Variants in PTPRD observed in about 807,000 individuals in gnomAD.
PTPRD encodes the protein receptor-type tyrosine-protein phosphatase delta.
A neutral mutation model predicts 214.5 loss-of-function variants in PTPRD; 34 were observed. The ratio of observed to expected loss-of-function variants is 0.16; its 90% confidence interval spans 0.12 to 0.21. The LOEUF (loss-of-function observed/expected upper bound fraction) is 0.21. Ranked by LOEUF, PTPRD falls within the 10% of genes least tolerant of loss-of-function variation. The pLI, the probability that PTPRD is intolerant of heterozygous loss-of-function variation, is 1.00. For synonymous variants in PTPRD, 1,128 were observed against 845.7 expected, an observed-to-expected ratio of 1.33 and a Z score of -5.79; for missense variants, 2,545 against 2,398.7, an observed-to-expected ratio of 1.06 and a Z score of -1.27.
intron 7 of PTPRD, among the ~76,000 whole-genome samples, chr9:9,597,607 G>T (rs1012410511): frequency 3.3e-5 from 5 of 151,912 alleles, no homozygotes; most frequent in African/African-American, 1.2e-4. Flanking sequence ...CAAAGCTGGG[G>T]GAAGTCAACA....
rs193257243 is a variant in PTPRD, at chr9:10,329,514, T to C, written c.-545+11449A>G. ...TCATGAATATTTTTTCTACTTGCAC[T>C]TCTGATAGGTAATCAAATGGTCTGT... On this transcript the variant is annotated intron_variant, in intron 3 of 45. Coordinates refer to ENST00000381196, the MANE Select transcript of PTPRD (RefSeq NM_002839.4). Among the ~76,000 whole-genome samples, 17 of 152,014 alleles carry C rather than the reference T, an allele frequency of 1.1e-4. No individual in the cohort carries two copies. The East Asian group carries it at 3.3e-3, about 30-fold the overall frequency.
At position 8,314,432 on chromosome 9, in the gene PTPRD, A is replaced by G. The variant is rs1820858107; in HGVS notation, c.*3442T>C. 1 of 230,938 alleles carries G rather than the reference A, an allele frequency of 4.3e-6. No individual in the cohort carries two copies. Among genetic ancestry groups the G allele is most frequent in the Non-Finnish European group, 8.6e-6 (1 of 116,348 alleles). 14.3% of individuals were successfully genotyped at this position (230,938 alleles called of 1,614,324 possible). On this transcript the variant is annotated 3_prime_UTR_variant, in exon 46 of 46. Transcript: ENST00000381196. ...TTAGAGGTAATTGTATTTTTTAACA[A>G]GCCATTTTACAAGTTATTTGTTTTA...
intron 11 of PTPRD, among the ~76,000 whole-genome samples, chr9:8,762,024 G>C (rs746919876): frequency 4.6e-5 from 7 of 152,088 alleles, no homozygotes; most frequent in Non-Finnish European, 8.8e-5. Context: ...CCTACTGGTG[G>C]GAAAAGTGAG....
chr9:10,382,778 C>G (rs12000350), intron 2 of PTPRD, among the ~76,000 whole-genome samples: 1 of 151,796 alleles, frequency 6.6e-6, no homozygotes, highest in Non-Finnish European at 1.5e-5. Context: ...ATAAATATAA[C>G]GGCATTTGTC....
At chr9:9,692,787 G>A (rs940167584) in intron 7 of PTPRD, among the ~76,000 whole-genome samples, 6 of 151,320 alleles carry the variant, frequency 4.0e-5, no homozygotes, top group Non-Finnish European at 8.8e-5. Context: ...ATTTTTTTTA[G>A]TGGCCTCTTA....
chr9:10,515,367 A>G (rs931630467), intron 2 of PTPRD, among the ~76,000 whole-genome samples: 1 of 151,948 alleles, frequency 6.6e-6, no homozygotes, highest in Non-Finnish European at 1.5e-5. Flanking sequence ...GTGGTCCACA[A>G]TCAAAACTAT....
intron 9 of PTPRD, among the ~76,000 whole-genome samples, chr9:9,331,661 G>A (rs1305893908): frequency 6.6e-6 from 1 of 151,920 alleles, no homozygotes; most frequent in African/African-American, 2.4e-5. Context: ...CAATAACAAC[G>A]GCTATCTAAT....
rs374262986 is a variant in PTPRD, at chr9:9,798,593, C to T, written c.-367-31742G>A. Among the ~76,000 whole-genome samples, 4 of 152,138 alleles carry T rather than the reference C, an allele frequency of 2.6e-5. No individual in the cohort carries two copies. The South Asian group carries it at 6.2e-4, about 24-fold the overall frequency. On this transcript the variant is annotated intron_variant, in intron 5 of 45. Coordinates refer to ENST00000381196, the MANE Select transcript of PTPRD (RefSeq NM_002839.4). The stretch of plus-strand genomic sequence containing the variant: ...TCAGAGAATGACCTTTCTGCTTCTG[C>T]TATTTTTCTCAAATGTTAAGATGCC...
At chr9:10,256,402 T>A (rs573456159) in intron 3 of PTPRD, among the ~76,000 whole-genome samples, 2 of 152,064 alleles carry the variant, frequency 1.3e-5, no homozygotes, top group African/African-American at 4.8e-5. Context: ...CAGCTTTTTT[T>A]TTTTTTAATA....
intron 39 of PTPRD, among the ~76,000 whole-genome samples, chr9:8,351,078 A>C (rs2075311252): frequency 6.6e-6 from 1 of 152,174 alleles, no homozygotes; most frequent in South Asian, 2.1e-4. Flanking sequence ...ATGGCTAGGG[A>C]ACTAGTTGAA....
rs537058294 is a variant in PTPRD, at chr9:10,493,057, G to T, written c.-600+119341C>A. Among the ~76,000 whole-genome samples the T allele has an allele frequency of 2.0e-5, 3 of 152,020 alleles. No homozygotes were observed. The East Asian group carries it at 5.8e-4, about 29-fold the overall frequency. On this transcript the variant is annotated intron_variant, in intron 2 of 45. Coordinates refer to ENST00000381196, the MANE Select transcript of PTPRD (RefSeq NM_002839.4). ...AACTTACAAGAGATGTGAGGGACCTGTTCAAGGAGAACTTCAAACCCCTGC... is the reference window on the plus strand; with the variant it reads ...AACTTACAAGAGATGTGAGGGACCTTTTCAAGGAGAACTTCAAACCCCTGC...
intron 2 of PTPRD, among the ~76,000 whole-genome samples, chr9:10,416,153 G>T (rs2098485024): frequency 6.6e-6 from 1 of 151,364 alleles, no homozygotes; most frequent in African/African-American, 2.4e-5. Context: ...TTCAAGATCA[G>T]CCTGGCCAAC....
intron 11 of PTPRD, among the ~76,000 whole-genome samples, chr9:8,976,629 T>C (rs989252945): frequency 6.6e-6 from 1 of 152,124 alleles, no homozygotes; most frequent in Non-Finnish European, 1.5e-5. Flanking sequence ...TAATTCAATT[T>C]TGGCCTTGTG....
chr9:8,426,762 T>C (rs10977088), intron 35 of PTPRD, among the ~76,000 whole-genome samples: 16,063 of 150,312 alleles, frequency 0.11, 1,815 homozygotes, highest in East Asian at 0.5. Flanking sequence ...CTATGAAAGA[T>C]ACGAAGTTTA....
chr9:10,512,593 A>G (rs1364774838), intron 2 of PTPRD, among the ~76,000 whole-genome samples: 1 of 152,126 alleles, frequency 6.6e-6, no homozygotes, highest in Admixed American at 6.6e-5. Context: ...ACGCACAAGT[A>G]CCTTCATTTC....
chr9:10,150,210 G>T (rs967657707), intron 3 of PTPRD, among the ~76,000 whole-genome samples: 1 of 152,036 alleles, frequency 6.6e-6, no homozygotes. Context: ...TAATATAAAG[G>T]TTTACCAATA....
At chr9:9,523,970 A>G (rs2097058097) in intron 8 of PTPRD, among the ~76,000 whole-genome samples, 1 of 152,140 alleles carries the variant, frequency 6.6e-6, no homozygotes, top group East Asian at 1.9e-4. Context: ...CCACCACAGC[A>G]TTGAATTCCC....
chr9:8,419,234 T>TAA lies in PTPRD; in HGVS notation c.4087-14576_4087-14575dup, dbSNP rs367987989. Among the ~76,000 whole-genome samples the TAA allele has an allele frequency of 2.7e-3, 269 of 99,610 alleles. 1 individual carries two copies. The highest frequency in any genetic ancestry group is 9.2e-3 in the African/African-American group (253 of 27,554). 65.3% of individuals were successfully genotyped at this position (99,610 alleles called of 152,430 possible). A position where few individuals can be genotyped will look rare whatever the true frequency, so the allele number is the denominator to read the frequency against. On this transcript the variant is annotated intron_variant, in intron 35 of 45. Transcript: ENST00000381196. The stretch of plus-strand genomic sequence containing the variant: ...AAGCATGACCCACTCTCCAAAAAAT[T>TAA]AAAAAAAAAAAAAAAAGAAAAGAAA...
intron 12 of PTPRD, among the ~76,000 whole-genome samples, chr9:8,712,309 G>C (rs1470705136): frequency 6.6e-6 from 1 of 152,170 alleles, no homozygotes; most frequent in Non-Finnish European, 1.5e-5. Context: ...GAATGAAAAA[G>C]AAGTCATTAT....
Sources: gnomAD v4.1 joint callset for allele counts (sites outside exome capture counted in the v4.1 genomes callset) on GRCh38, gnomAD v4.1.1 for gene constraint, MANE v1.5 for transcripts, NCBI Gene and HGNC (gene_info 2026-07-23, HGNC 2026-07-21) for gene names.